The following RAPGEF4 variants were observed in gnomAD, a reference collection of about 807,000 sequenced individuals.
RAPGEF4 encodes the protein Rap guanine nucleotide exchange factor 4, also known as RAP guanine-nucleotide-exchange factor (GEF) 4.
Under a neutral mutation model 147.9 loss-of-function variants are expected in RAPGEF4, and 66 were observed. The ratio of observed to expected loss-of-function variants is 0.45; its 90% CI spans 0.37 to 0.55. RAPGEF4 has a LOEUF of 0.55. RAPGEF4 is among the 20% of genes least tolerant of loss of function. The pLI is 0.00. For synonymous variants in RAPGEF4, 419 were observed against 442.7 expected, an observed-to-expected ratio of 0.95 and a Z score of 0.67; for missense variants, 1,071 against 1,257.3, an observed-to-expected ratio of 0.85 and a Z score of 2.24.
At chr2:172,794,847 T>TC (rs1213923353) in intron 1 of RAPGEF4, among the ~76,000 whole-genome samples, 178 bp from the exon 2 acceptor site, 1 of 152,210 alleles carries the variant, frequency 6.6e-6, no homozygotes, top group Non-Finnish European at 1.5e-5. Flanking sequence ...TTGGTAAAGC[T>TC]CCAGAAATGT....
chr2:172,887,417 T>A (rs1255625050), intron 4 of RAPGEF4, among the ~76,000 whole-genome samples: 1 of 152,234 alleles, frequency 6.6e-6, no homozygotes, highest in Non-Finnish European at 1.5e-5. Flanking sequence ...ACTTCTCTAA[T>A]CTGATTTCCA....
intron 4 of RAPGEF4, among the ~76,000 whole-genome samples, chr2:172,824,010 T>G (rs546006761): frequency 1.3e-5 from 2 of 152,330 alleles, no homozygotes; most frequent in African/African-American, 4.8e-5. Context: ...ATGTGCCTTA[T>G]GAGTTAAAAA....
In RAPGEF4 at chr2:173,044,355, A is replaced by C. The variant is rs180891595; in HGVS notation, c.2854-4245A>C. ...TGGTTTGGGCTGGTTTCTTTGCTAC[A>C]TCAGCAGGGTGGTGACCAAGGCTGG... On this transcript the variant is annotated intron_variant, in intron 29 of 30. Coordinates refer to ENST00000397081, the MANE Select transcript of RAPGEF4 (RefSeq NM_007023.4). Among the ~76,000 whole-genome samples the C allele has an allele frequency of 2.1e-4, 32 of 152,304 alleles. No individual in the cohort carries two copies. In the East Asian group the frequency reaches 6.2e-3, roughly 29 times the overall value.
intron 4 of RAPGEF4, among the ~76,000 whole-genome samples, chr2:172,911,583 C>T (rs753865952): frequency 1.5e-4 from 23 of 151,888 alleles, no homozygotes; most frequent in Non-Finnish European, 3.1e-4. Flanking sequence ...CTCAGCCTCC[C>T]GAGTAGCTGG....
intron 3 of RAPGEF4, among the ~76,000 whole-genome samples, chr2:172,799,989 T>C (rs1237876324): frequency 6.6e-6 from 1 of 152,208 alleles, no homozygotes; most frequent in Non-Finnish European, 1.5e-5. Context: ...TAACCCATAA[T>C]AGCAGGGTTA....
At chr2:172,758,122 G>A (rs1695950523) in intron 1 of RAPGEF4, among the ~76,000 whole-genome samples, 1 of 152,214 alleles carries the variant, frequency 6.6e-6, no homozygotes, top group African/African-American at 2.4e-5. Flanking sequence ...CACTGGGAAA[G>A]TGATTTGAGC....
chr2:172,988,960 A>G (rs1338985084), intron 14 of RAPGEF4, 121 bp downstream of exon 14: 2 of 1,115,890 alleles, frequency 1.8e-6, no homozygotes, highest in Admixed American at 2.4e-5. Flanking sequence ...CTAGGCACAA[A>G]GGGCCTTTGT....
At chr2:172,834,376 A>G (rs1336993536) in intron 4 of RAPGEF4, among the ~76,000 whole-genome samples, 3 of 152,182 alleles carry the variant, frequency 2.0e-5, no homozygotes, top group African/African-American at 7.2e-5. Context: ...AAACTCAGGG[A>G]AGAGAGATTG....
intron 4 of RAPGEF4, among the ~76,000 whole-genome samples, chr2:172,824,880 C>T (rs1574957338): frequency 6.6e-6 from 1 of 152,196 alleles, no homozygotes; most frequent in African/African-American, 2.4e-5. Context: ...TCTCAACTAT[C>T]CCCAGACTAT....
intron 1 of RAPGEF4, among the ~76,000 whole-genome samples, chr2:172,764,542 G>A (rs928267357): frequency 3.3e-5 from 5 of 152,168 alleles, no homozygotes; most frequent in African/African-American, 4.8e-5. Context: ...GGTGGAAGAT[G>A]TGATCTCACT....
At chr2:172,861,431 G>T (rs531164190) in intron 4 of RAPGEF4, among the ~76,000 whole-genome samples, 22 of 152,318 alleles carry the variant, frequency 1.4e-4, no homozygotes, top group African/African-American at 4.8e-4. Context: ...GGAAAAGGGG[G>T]TATCTTGAAG....
At chr2:172,790,910 T>A (rs1304295056) in intron 1 of RAPGEF4, among the ~76,000 whole-genome samples, 1 of 152,178 alleles carries the variant, frequency 6.6e-6, no homozygotes, top group Non-Finnish European at 1.5e-5. Context: ...TACTGGAGAC[T>A]GGGTAATTCA....
chr2:172,756,289 C>G (rs1050630383), intron 1 of RAPGEF4, among the ~76,000 whole-genome samples: 1 of 152,196 alleles, frequency 6.6e-6, no homozygotes, highest in African/African-American at 2.4e-5. Context: ...GGAAAGGTGC[C>G]TGTGTGCTCC....
chr2:172,941,060 A>G (rs1193525735), intron 6 of RAPGEF4, among the ~76,000 whole-genome samples: 3 of 152,200 alleles, frequency 2.0e-5, no homozygotes, highest in African/African-American at 4.8e-5. Context: ...TATTTTGTAC[A>G]TGACCTTGTA....
At chr2:172,748,008 T>C (rs909239482) in intron 1 of RAPGEF4, among the ~76,000 whole-genome samples, 13 of 152,254 alleles carry the variant, frequency 8.5e-5, no homozygotes, top group Non-Finnish European at 1.5e-4. Flanking sequence ...CCTTTATTTT[T>C]AAGATGGAAT....
At chr2:172,923,375 T>A (rs926570608) in intron 6 of RAPGEF4, among the ~76,000 whole-genome samples, 1 of 152,106 alleles carries the variant, frequency 6.6e-6, no homozygotes, top group Non-Finnish European at 1.5e-5. Context: ...TTCAAGTGAT[T>A]CTCCTGCCTC....
intron 4 of RAPGEF4, among the ~76,000 whole-genome samples, chr2:172,893,068 G>C (rs564604517): frequency 1.3e-5 from 2 of 151,972 alleles, no homozygotes; most frequent in African/African-American, 4.8e-5. Flanking sequence ...GCCCCCTTCT[G>C]TCGGGCACCA....
At chr2:172,940,205 T>A (rs951165011) in intron 6 of RAPGEF4, among the ~76,000 whole-genome samples, 1 of 152,160 alleles carries the variant, frequency 6.6e-6, no homozygotes, top group Non-Finnish European at 1.5e-5. Context: ...TTTCATCACA[T>A]CATATCAAGA....
intron 4 of RAPGEF4, among the ~76,000 whole-genome samples, chr2:172,902,311 A>ATTTG (rs1489350988): frequency 6.6e-6 from 1 of 151,346 alleles, no homozygotes; most frequent in Non-Finnish European, 1.5e-5. Flanking sequence ...TTATTTATTT[A>ATTTG]TTTATTTATT....
Sources: allele counts gnomAD v4.1 joint callset (sites outside exome capture counted in the v4.1 genomes callset), GRCh38; gene constraint gnomAD v4.1.1; transcripts MANE v1.5; gene names NCBI Gene and HGNC (gene_info 2026-07-23, HGNC 2026-07-21).